Variants in USP34 observed in about 807,000 individuals in gnomAD.
USP34 encodes ubiquitin specific peptidase 34.
A neutral mutation model predicts 460.3 loss-of-function variants in USP34; 70 were observed. The ratio of observed to expected loss-of-function variants is 0.15; its 90% CI spans 0.13 to 0.19. The LOEUF (loss-of-function observed/expected upper bound fraction) is 0.19, where lower values mean the gene tolerates loss of function less well. USP34 is among the 10% of genes least tolerant of loss of function. The probability of loss-of-function intolerance (pLI) is 1.00; values close to 1 mark genes in which losing one functional copy is unlikely to be tolerated. For synonymous variants in USP34, 1,647 were observed against 1,405.3 expected, an observed-to-expected ratio of 1.17 and a Z score of -3.85; for missense variants, 3,985 against 4,236.2, an observed-to-expected ratio of 0.94 and a Z score of 1.65.
intron 29 of USP34, among the ~76,000 whole-genome samples, chr2:61,298,364 CAAAAAAAAAAA>C (rs11417017): frequency 0.02 from 962 of 48,092 alleles, 22 homozygotes; most frequent in African/African-American, 0.077. Context: ...TACAAAAATA[CAAAAAAAAAAA>C]AAAAAAAAAA....
At position 61,233,637 on chromosome 2, in the gene USP34, C is replaced by A. The variant is rs545530818; in HGVS notation, c.7033-1105G>T. ...AGCCTGGAGTTTGAGACCAGCTGGG[C>A]AACAAAGAGACTCTGTCTCTATAAA... On this transcript the variant is annotated intron_variant, in intron 57 of 79. Transcript: ENST00000398571. Among the ~76,000 whole-genome samples the A allele has an allele frequency of 2.0e-5, 3 of 151,800 alleles. No homozygotes were observed. The East Asian group carries it at 5.8e-4, about 30-fold the overall frequency.
intron 29 of USP34, among the ~76,000 whole-genome samples, chr2:61,299,262 T>C (rs1690144961): frequency 6.6e-6 from 1 of 152,188 alleles, no homozygotes; most frequent in Non-Finnish European, 1.5e-5. Context: ...AAGAAAAGCA[T>C]ACTAGCCTAA....
chr2:61,263,462 T>G (rs1489609312), intron 43 of USP34, among the ~76,000 whole-genome samples: 2 of 151,178 alleles, frequency 1.3e-5, no homozygotes, highest in Non-Finnish European at 2.9e-5. Context: ...ATTACAGGCG[T>G]GAGCTACTGC....
At chr2:61,287,935 G>A (rs1373665696) in intron 34 of USP34, among the ~76,000 whole-genome samples, 2 of 152,050 alleles carry the variant, frequency 1.3e-5, no homozygotes, top group African/African-American at 2.4e-5. Flanking sequence ...ATTATGCTAG[G>A]GCAAATATAT....
At chr2:61,434,407 C>G (rs2104005640) in intron 1 of USP34, among the ~76,000 whole-genome samples, 1 of 152,340 alleles carries the variant, frequency 6.6e-6, no homozygotes, top group East Asian at 1.9e-4. Context: ...CCATGGGCCA[C>G]TCCTGCCAGG....
chr2:61,207,471 C>T (rs1687152468), intron 70 of USP34: 1 of 152,686 alleles, frequency 6.5e-6, no homozygotes. Context: ...CTACAGCTTA[C>T]ACACTGTAAT....
At chr2:61,395,934 G>A (rs1268074212) in intron 3 of USP34, among the ~76,000 whole-genome samples, 2 of 151,774 alleles carry the variant, frequency 1.3e-5, no homozygotes, top group South Asian at 2.1e-4. Flanking sequence ...TGTGGTGGTG[G>A]GCACTTGTAA....
At chr2:61,462,582 G>A (rs1051345151) in intron 1 of USP34, among the ~76,000 whole-genome samples, 4 of 150,342 alleles carry the variant, frequency 2.7e-5, no homozygotes, top group Non-Finnish European at 4.4e-5. Flanking sequence ...CAGGAGAACC[G>A]GACAAAGTAG....
intron 41 of USP34, among the ~76,000 whole-genome samples, chr2:61,276,638 C>G (rs1191632555): frequency 6.6e-6 from 1 of 151,880 alleles, no homozygotes; most frequent in Non-Finnish European, 1.5e-5. Flanking sequence ...TCAGAAAAAC[C>G]AATTAATATA....
At chr2:61,464,039 A>G (rs1695685899) in intron 1 of USP34, among the ~76,000 whole-genome samples, 1 of 152,160 alleles carries the variant, frequency 6.6e-6, no homozygotes, top group African/African-American at 2.4e-5. Context: ...AACACAAACT[A>G]TTCAATAAAG....
intron 62 of USP34, among the ~76,000 whole-genome samples, chr2:61,225,419 A>G (rs907570980): frequency 2.0e-5 from 3 of 152,082 alleles, no homozygotes; most frequent in African/African-American, 7.2e-5. Context: ...CCTATTTAAT[A>G]TATAGTTAGG....
At chr2:61,275,634 G>A (rs1290792446) in intron 41 of USP34, among the ~76,000 whole-genome samples, 2 of 148,932 alleles carry the variant, frequency 1.3e-5, no homozygotes, top group African/African-American at 4.9e-5. Context: ...TTTTTTAAAT[G>A]AACTGTTTAT....
chr2:61,265,962 A>T (rs1415981518), intron 42 of USP34, 22 bp downstream of exon 42: 3 of 1,532,380 alleles, frequency 2.0e-6, no homozygotes, highest in African/African-American at 1.4e-5. Flanking sequence ...TATAAAGATT[A>T]AAGGAAAAGA....
intron 25 of USP34, among the ~76,000 whole-genome samples, chr2:61,313,229 A>C (rs772696990): frequency 6.6e-6 from 1 of 152,204 alleles, no homozygotes; most frequent in Non-Finnish European, 1.5e-5. Flanking sequence ...TATCAAGGAC[A>C]TAACAATTTT....
At chr2:61,441,802 C>CAA (rs70963429) in intron 1 of USP34, among the ~76,000 whole-genome samples, 9 of 97,330 alleles carry the variant, frequency 9.2e-5, no homozygotes, top group African/African-American at 1.6e-4. Flanking sequence ...GACTGCATTA[C>CAA]AAAAAAAAAA....
At chr2:61,402,827 C>T (rs533061807) in intron 3 of USP34, among the ~76,000 whole-genome samples, 61 of 152,196 alleles carry the variant, frequency 4.0e-4, no homozygotes, top group African/African-American at 1.4e-3. Flanking sequence ...AATTTGTTTG[C>T]TTTAAAATAA....
chr2:61,354,491 TAA>T (rs1463615527), intron 10 of USP34, among the ~76,000 whole-genome samples: 2 of 152,144 alleles, frequency 1.3e-5, no homozygotes, highest in African/African-American at 4.8e-5. Flanking sequence ...TAAAAATTGC[TAA>T]AAGACAGTTT....
At chr2:61,220,173 A>AGG in intron 67 of USP34, 137 bp downstream of exon 67, 4 of 337,692 alleles carry the variant, frequency 1.2e-5, no homozygotes, top group Non-Finnish European at 1.8e-5. Flanking sequence ...AAAAAAAAAA[A>AGG]AAAAAAAAAG....
At chr2:61,297,929 C>G (rs1379116107) in intron 29 of USP34, among the ~76,000 whole-genome samples, 1 of 152,088 alleles carries the variant, frequency 6.6e-6, no homozygotes, top group Non-Finnish European at 1.5e-5. Flanking sequence ...AGAAGCAACC[C>G]TCGAGTAACA....
Sources: allele counts gnomAD v4.1 joint callset (sites outside exome capture counted in the v4.1 genomes callset), GRCh38; gene constraint gnomAD v4.1.1; transcripts MANE v1.5; gene names NCBI Gene and HGNC (gene_info 2026-07-23, HGNC 2026-07-21).